Variants in THSD7B observed in about 807,000 individuals in gnomAD.
The protein encoded by THSD7B is thrombospondin type 1 domain containing 7B.
A neutral mutation model predicts 213.6 loss-of-function variants in THSD7B; 138 were observed. The ratio of observed to expected loss-of-function variants is 0.65; its 90% CI spans 0.56 to 0.74. The LOEUF is 0.74. Among genes scored for constraint, THSD7B ranks in the 30% least tolerant of loss-of-function variants. The pLI, the probability that THSD7B is intolerant of heterozygous loss-of-function variation, is 0.00. For missense variants in THSD7B, 1,931 were observed against 1,991.5 expected (o/e 0.97, Z 0.58); for synonymous variants, 742 against 687.0 (o/e 1.08, Z -1.25).
intron 7 of THSD7B, among the ~76,000 whole-genome samples, chr2:137,175,128 G>A (rs1351210565): frequency 1.3e-5 from 2 of 152,144 alleles, no homozygotes; most frequent in Non-Finnish European, 2.9e-5. Flanking sequence ...TGACTACTAT[G>A]TATCATCTTT....
At chr2:137,242,283 C>G (rs1681926926) in intron 9 of THSD7B, among the ~76,000 whole-genome samples, 174 bp from the exon 10 acceptor site, 2 of 152,172 alleles carry the variant, frequency 1.3e-5, no homozygotes, top group South Asian at 2.1e-4. Context: ...GCTTCAGGCT[C>G]TGCCTCCAGC....
chr2:137,557,307 G>T (rs935740747), intron 15 of THSD7B, among the ~76,000 whole-genome samples: 1 of 152,136 alleles, frequency 6.6e-6, no homozygotes, highest in African/African-American at 2.4e-5. Flanking sequence ...GCACTCCTCA[G>T]CAAATGTAAA....
At chr2:137,148,088 C>G (rs1368059) in intron 5 of THSD7B, among the ~76,000 whole-genome samples, 143,602 of 152,130 alleles carry the variant, frequency 0.94, 67,974 homozygotes, top group East Asian at 1. Flanking sequence ...GACCTGGTAG[C>G]AGGTAATTGA....
chr2:137,328,632 C>A (rs1244560127), intron 12 of THSD7B, among the ~76,000 whole-genome samples: 1 of 152,180 alleles, frequency 6.6e-6, no homozygotes, highest in Non-Finnish European at 1.5e-5. Flanking sequence ...CATTCCTTCC[C>A]AAATTCTCTG....
intron 12 of THSD7B, among the ~76,000 whole-genome samples, chr2:137,391,324 A>G (rs1213095727): frequency 6.6e-6 from 1 of 150,790 alleles, no homozygotes; most frequent in African/African-American, 2.4e-5. Context: ...TTCATTTCTG[A>G]TTATGTTTAT....
At chr2:136,825,718 A>ATTTTTTTTTTTTTTGTTTTTTTTTTTTT (rs759978910) in intron 1 of THSD7B, among the ~76,000 whole-genome samples, 1 of 116,894 alleles carries the variant, frequency 8.6e-6, no homozygotes, top group Non-Finnish European at 1.7e-5. Flanking sequence ...TGCCTGGCTA[A>ATTTTTTTTTTTTTTGTTTTTTTTTTTTT]TTTTTTTTTT....
chr2:137,320,774 G>A (rs1256041404), intron 12 of THSD7B, among the ~76,000 whole-genome samples: 1 of 152,088 alleles, frequency 6.6e-6, no homozygotes, highest in Non-Finnish European at 1.5e-5. Flanking sequence ...CCTGGCTTTG[G>A]GCCTGCCATT....
chr2:137,290,904 G>T (rs2104832698), intron 12 of THSD7B, among the ~76,000 whole-genome samples: 1 of 152,178 alleles, frequency 6.6e-6, no homozygotes, highest in Non-Finnish European at 1.5e-5. Flanking sequence ...CCTGAGAATT[G>T]TAGTAACATC....
rs553226173 is a variant in THSD7B at position 136,903,133 on chromosome 2, G to T, written c.139+20816G>T. On this transcript the variant is annotated intron_variant, in intron 2 of 27. Transcript: ENST00000409968. Reference sequence around the variant, plus strand: ...CCCTTGCCAGATTATATAGAATAAGGTTATTGACAGCTACCCCAAAAAGGT... The same window carrying T: ...CCCTTGCCAGATTATATAGAATAAGTTTATTGACAGCTACCCCAAAAAGGT... 6.0e-5 allele frequency among the ~76,000 whole-genome samples: 9 copies of T among 150,774 alleles called. No individual in the cohort carries two copies. In the South Asian group the frequency reaches 1.5e-3, roughly 25 times the overall value.
intron 2 of THSD7B, among the ~76,000 whole-genome samples, chr2:136,902,573 C>T (rs1684081121): frequency 6.6e-6 from 1 of 152,140 alleles, no homozygotes; most frequent in African/African-American, 2.4e-5. Flanking sequence ...TCCACATGCG[C>T]CGAGGATAGG....
At chr2:137,202,041 A>G (rs1324678974) in intron 7 of THSD7B, among the ~76,000 whole-genome samples, 1 of 152,108 alleles carries the variant, frequency 6.6e-6, no homozygotes, top group Non-Finnish European at 1.5e-5. Flanking sequence ...GCTGCACATC[A>G]TCTTTTCTCC....
chr2:136,794,758 C>T (rs1321873957), intron 1 of THSD7B, among the ~76,000 whole-genome samples: 1 of 151,874 alleles, frequency 6.6e-6, no homozygotes, highest in South Asian at 2.1e-4. Context: ...TTTTTGTCTG[C>T]CATTCTTTCA....
At chr2:137,639,546 T>G (rs191134251) in intron 20 of THSD7B, among the ~76,000 whole-genome samples, 28 of 152,180 alleles carry the variant, frequency 1.8e-4, no homozygotes, top group African/African-American at 6.5e-4. Context: ...TTGTTCTACA[T>G]CCTCGTGAAT....
At chr2:137,092,775 C>T (rs1037837331) in intron 3 of THSD7B, among the ~76,000 whole-genome samples, 7 of 152,182 alleles carry the variant, frequency 4.6e-5, no homozygotes, top group African/African-American at 1.4e-4. Flanking sequence ...GCTAGGACTA[C>T]AGGCACACAC....
At chr2:137,618,265 T>C in intron 18 of THSD7B, 127 bp from the exon 19 acceptor site, 1 of 704,452 alleles carries the variant, frequency 1.4e-6, no homozygotes, top group East Asian at 2.9e-5. Context: ...TTCCCAAAGC[T>C]ACCTGGAAAT....
At chr2:137,015,301 T>G (rs1227938020) in intron 2 of THSD7B, among the ~76,000 whole-genome samples, 1 of 152,206 alleles carries the variant, frequency 6.6e-6, no homozygotes, top group Non-Finnish European at 1.5e-5. Context: ...TTTTTGACTC[T>G]GAATTACTCT....
chr2:137,136,650 G>A (rs1487521031), intron 5 of THSD7B, among the ~76,000 whole-genome samples: 1 of 152,124 alleles, frequency 6.6e-6, no homozygotes, highest in Non-Finnish European at 1.5e-5. Context: ...GTCAACAAAT[G>A]GCTGTTTGGC....
At chr2:137,414,280 G>T (rs536832785) in intron 14 of THSD7B, among the ~76,000 whole-genome samples, 10 of 151,936 alleles carry the variant, frequency 6.6e-5, no homozygotes, top group African/African-American at 2.4e-4. Flanking sequence ...TTCAAAAAAA[G>T]GTTTTTTAAA....
rs185032609 is a variant in THSD7B at position 137,412,034 on chromosome 2, A to G, written c.2959+162A>G. 1,020 of 783,830 alleles carry G rather than the reference A, an allele frequency of 1.3e-3. 1 individual carries two copies. Among genetic ancestry groups the G allele is most frequent in the Middle Eastern group, 3.3e-3 (9 of 2,724 alleles). The allele number at this position is 783,830 out of a possible 1,614,324, so 48.6% of individuals were successfully genotyped here. ...TAAAATATGGACAGATGAAATGCAT[A>G]CATCTGTATCTCAATGATTATCTGG... On this transcript the variant is annotated intron_variant, in intron 14 of 27. Coordinates refer to ENST00000409968, the MANE Select transcript of THSD7B (RefSeq NM_001316349.2).
Sources: gnomAD v4.1 joint callset for allele counts (sites outside exome capture counted in the v4.1 genomes callset) on GRCh38, gnomAD v4.1.1 for gene constraint, MANE v1.5 for transcripts, NCBI Gene and HGNC (gene_info 2026-07-23, HGNC 2026-07-21) for gene names.